TMTC1: variants seen among roughly 807,000 people sequenced by gnomAD.
The protein encoded by TMTC1 is transmembrane O-mannosyltransferase targeting cadherins 1, also known as protein O-mannosyl-transferase TMTC1.
TMTC1 carries 73 observed loss-of-function variants against 104.8 expected under a neutral mutation model. The ratio of observed to expected loss-of-function variants is 0.70; its 90% CI spans 0.58 to 0.85. TMTC1 has a LOEUF of 0.85. Among genes scored for constraint, TMTC1 ranks in the 40% least tolerant of loss-of-function variants. The pLI is 0.00. For synonymous variants in TMTC1, 434 were observed against 428.7 expected, an observed-to-expected ratio of 1.01 and a Z score of -0.15; for missense variants, 1,035 against 1,096.1, an observed-to-expected ratio of 0.94 and a Z score of 0.79.
chr12:29,660,446 T>C (rs187884230), intron 5 of TMTC1, among the ~76,000 whole-genome samples: 162 of 152,260 alleles, frequency 1.1e-3, no homozygotes, highest in Non-Finnish European at 2.1e-3. Flanking sequence ...GGTTGTTATA[T>C]TTAAGCCACT....
chr12:29,524,113 TA>T (rs1944267416), intron 11 of TMTC1, among the ~76,000 whole-genome samples: 1 of 152,160 alleles, frequency 6.6e-6, no homozygotes, highest in Non-Finnish European at 1.5e-5. Context: ...TCATCTCAAT[TA>T]AAGAGAGACC....
At chr12:29,546,844 C>T (rs1222582195) in intron 10 of TMTC1, among the ~76,000 whole-genome samples, 1 of 152,062 alleles carries the variant, frequency 6.6e-6, no homozygotes, top group Non-Finnish European at 1.5e-5. Context: ...GTGCTATGAT[C>T]GCACCTGTGA....
chr12:29,517,599 T>C lies in TMTC1; in HGVS notation c.2025-28A>G, dbSNP rs761702675. ...GAGTTTGGAGAAAATCTAAATGACATTTCTCTTCTAATAGGTACATTTCCA... is the reference window on the plus strand; with the variant it reads ...GAGTTTGGAGAAAATCTAAATGACACTTCTCTTCTAATAGGTACATTTCCA... On this transcript the variant is annotated intron_variant, in intron 13 of 17. Transcript: ENST00000539277. 15 of 1,613,620 alleles carry C rather than the reference T, an allele frequency of 9.3e-6. No homozygotes were observed. In the Admixed American group the frequency reaches 1.3e-4, roughly 14 times the overall value.
At chr12:29,538,854 T>C (rs1030161968) in intron 10 of TMTC1, among the ~76,000 whole-genome samples, 3 of 152,208 alleles carry the variant, frequency 2.0e-5, no homozygotes, top group African/African-American at 7.2e-5. Context: ...TATTACAAGA[T>C]GCAAAGACTC....
At chr12:29,537,681 C>A (rs1457882154) in intron 10 of TMTC1, among the ~76,000 whole-genome samples, 2 of 152,114 alleles carry the variant, frequency 1.3e-5, no homozygotes, top group Non-Finnish European at 2.9e-5. Flanking sequence ...ATGCATGCTG[C>A]GATTTCAGCA....
At chr12:29,621,778 G>C (rs1937682624) in intron 6 of TMTC1, among the ~76,000 whole-genome samples, 1 of 152,168 alleles carries the variant, frequency 6.6e-6, no homozygotes, top group African/African-American at 2.4e-5. Flanking sequence ...CAGCATGGAG[G>C]TAAATCCAAA....
chr12:29,764,997 T>C (rs1943430845), intron 2 of TMTC1, among the ~76,000 whole-genome samples: 1 of 152,178 alleles, frequency 6.6e-6, no homozygotes, highest in African/African-American at 2.4e-5. Context: ...GCAGTAATTG[T>C]CCCCAATATG....
chr12:29,613,478 T>C (rs757807147), intron 6 of TMTC1, among the ~76,000 whole-genome samples: 4 of 152,158 alleles, frequency 2.6e-5, no homozygotes, highest in Admixed American at 6.5e-5. Context: ...CCAGCTTTGA[T>C]TGGCAAAATG....
rs1395551007 is a variant in TMTC1 at position 29,505,522 on chromosome 12, A to G, written c.*1324T>C. On this transcript the variant is annotated 3_prime_UTR_variant, in exon 18 of 18. Coordinates refer to ENST00000539277, the MANE Select transcript of TMTC1 (RefSeq NM_001193451.2). Reference sequence around the variant, plus strand: ...AAAACTTAACTATTTTACAATTTAGATTTACATTTTATAAGATCAGTTTTG... The same window carrying G: ...AAAACTTAACTATTTTACAATTTAGGTTTACATTTTATAAGATCAGTTTTG... 6.6e-6 allele frequency: 1 copy of G among 152,188 alleles called. No homozygotes were observed. Among genetic ancestry groups the G allele is most frequent in the East Asian group, 1.9e-4 (1 of 5,202 alleles). The allele number at this position is 152,188 out of a possible 1,614,324, so 9.4% of individuals were successfully genotyped here. A position where few individuals can be genotyped will look rare whatever the true frequency, so the allele number is the denominator to read the frequency against.
intron 10 of TMTC1, among the ~76,000 whole-genome samples, chr12:29,538,753 C>A (rs1944713817): frequency 1.3e-5 from 2 of 152,010 alleles, no homozygotes; most frequent in South Asian, 4.2e-4. Flanking sequence ...AACCCAGATT[C>A]TTGATAAAAA....
rs112153398 is a variant in TMTC1, at chr12:29,781,288, G to T, written c.302+2162C>A. On this transcript the variant is annotated intron_variant, in intron 1 of 17. Coordinates refer to ENST00000539277, the MANE Select transcript of TMTC1 (RefSeq NM_001193451.2). ...AACTCAATCTTCTCAAAAAAAGAGT[G>T]TATCTTTCATAGGCAGTAGCATATA... is the stretch of plus-strand genomic sequence containing the variant. Among the ~76,000 whole-genome samples, 247 of 152,296 alleles carry T rather than the reference G, an allele frequency of 1.6e-3. 2 individuals carry two copies. Among genetic ancestry groups the T allele is most frequent in the Non-Finnish European group, 2.7e-3 (187 of 68,020 alleles).
intron 3 of TMTC1, among the ~76,000 whole-genome samples, chr12:29,758,380 C>T (rs1943265299): frequency 6.6e-6 from 1 of 152,134 alleles, no homozygotes. Flanking sequence ...GAGAACATTG[C>T]ATCAAATACA....
chr12:29,716,395 G>A (rs1461438210), intron 5 of TMTC1, among the ~76,000 whole-genome samples: 2 of 152,088 alleles, frequency 1.3e-5, no homozygotes, highest in African/African-American at 4.8e-5. Flanking sequence ...TTAGAGGTGA[G>A]ATTTGAAACC....
chr12:29,673,044 T>C (rs770139839), intron 5 of TMTC1, among the ~76,000 whole-genome samples: 2 of 152,224 alleles, frequency 1.3e-5, no homozygotes, highest in Non-Finnish European at 2.9e-5. Context: ...CAGTCATTGC[T>C]GCACTATATT....
intron 5 of TMTC1, among the ~76,000 whole-genome samples, chr12:29,740,052 T>C (rs1031950892): frequency 6.6e-6 from 1 of 152,146 alleles, no homozygotes; most frequent in African/African-American, 2.4e-5. Context: ...GGTCTCACAC[T>C]GTGGCCCAGG....
At chr12:29,526,736 C>T (rs920518804) in intron 11 of TMTC1, among the ~76,000 whole-genome samples, 5 of 151,956 alleles carry the variant, frequency 3.3e-5, no homozygotes, top group African/African-American at 1.2e-4. Flanking sequence ...CATAATTAAG[C>T]AATTAACTAT....
In TMTC1 at chr12:29,783,702, G is replaced by A. The variant is rs1462933691; in HGVS notation, c.50C>T (p.Ser17Phe). 1.6e-5 allele frequency: 20 copies of A among 1,256,006 alleles called. No individual in the cohort carries two copies. The African/African-American group carries it at 2.8e-4, about 18-fold the overall frequency. The allele number at this position is 1,256,006 out of a possible 1,614,324, so 77.8% of individuals were successfully genotyped here. The change falls in exon 1 of 18, where the codon TCC becomes TTC. Residue 17 changes from serine to phenylalanine, a missense_variant. Coordinates refer to ENST00000539277, the MANE Select transcript of TMTC1 (RefSeq NM_001193451.2). This position sits in a 1 kb window ranked among gnomAD's most constrained non-coding sequence, Gnocchi z 4.7. ...ARGGGGDRTPSRRRGCGLAPA... is the reference protein window; with the variant it reads ...ARGGGGDRTPFRRRGCGLAPA... Reference sequence around the variant, plus strand: ...CGCTAGCCCGCAGCCCCGCCGCCGGGAGGGTGTGCGGTCCCCGCCGCCGCC... The same window carrying A: ...CGCTAGCCCGCAGCCCCGCCGCCGGAAGGGTGTGCGGTCCCCGCCGCCGCC...
At chr12:29,684,269 A>T (rs1407161972) in intron 5 of TMTC1, among the ~76,000 whole-genome samples, 1 of 152,232 alleles carries the variant, frequency 6.6e-6, no homozygotes, top group East Asian at 1.9e-4. Flanking sequence ...AGTTTTATTG[A>T]TAATGACAAG....
chr12:29,660,809 T>C, intron 5 of TMTC1: 1 of 1,425,226 alleles, frequency 7.0e-7, no homozygotes, highest in Non-Finnish European at 9.3e-7. Context: ...CTTACATAAC[T>C]TAGGACCAAA....
Sources: gnomAD v4.1 joint callset for allele counts (sites outside exome capture counted in the v4.1 genomes callset) on GRCh38, gnomAD v4.1.1 for gene constraint, Gnocchi (gnomAD v3.1) non-coding constraint, MANE v1.5 for transcripts, NCBI Gene and HGNC (gene_info 2026-07-23, HGNC 2026-07-21) for gene names.